The following ANKHD1 variants were observed in gnomAD, a reference collection of about 807,000 sequenced individuals.
ANKHD1 encodes the protein ankyrin repeat and KH domain containing 1, also known as ankyrin repeat and KH domain-containing protein 1.
In ANKHD1, 31 loss-of-function variants were observed where a neutral mutation model predicts 230.5. That is an observed-to-expected ratio of 0.13 (90% CI 0.10 to 0.18). ANKHD1 has a LOEUF of 0.18. ANKHD1 is among the 10% of genes least tolerant of loss of function. The pLI is 1.00. For missense variants in ANKHD1, 2,256 were observed against 3,071.3 expected (o/e 0.73, Z 6.27); for synonymous variants, 1,074 against 1,117.6 (o/e 0.96, Z 0.78).
chr5:140,533,512 T>C (rs1276454655), intron 29 of ANKHD1, among the ~76,000 whole-genome samples: 1 of 152,046 alleles, frequency 6.6e-6, no homozygotes, highest in African/African-American at 2.4e-5. Flanking sequence ...GGCAGGAGAA[T>C]GGCGTGAACC....
At chr5:140,526,477 C>A in intron 26 of ANKHD1, 34 bp downstream of exon 26, 1 of 1,562,662 alleles carries the variant, frequency 6.4e-7, no homozygotes, top group East Asian at 2.2e-5. Context: ...TCTACCTGCA[C>A]CTTTCCTTCT....
intron 6 of ANKHD1, among the ~76,000 whole-genome samples, chr5:140,447,851 A>C (rs1340316918): frequency 6.6e-6 from 1 of 152,206 alleles, no homozygotes. Flanking sequence ...CCCTTTAAAG[A>C]GTCTTCCTAG....
chr5:140,490,359 G>A (rs1206507824), intron 14 of ANKHD1, among the ~76,000 whole-genome samples: 1 of 152,092 alleles, frequency 6.6e-6, no homozygotes, highest in African/African-American at 2.4e-5. Flanking sequence ...TTTGATATAT[G>A]TTCTACTCAG....
At chr5:140,483,551 G>A (rs1414843005) in intron 11 of ANKHD1, among the ~76,000 whole-genome samples, 3 of 145,868 alleles carry the variant, frequency 2.1e-5, no homozygotes, top group African/African-American at 7.7e-5. Flanking sequence ...TCCGCCTCCC[G>A]GGTTCAAGTG....
chr5:140,480,539 AAAGAG>A lies in ANKHD1; in HGVS notation c.1783-2038_1783-2034del, dbSNP rs1477784484. 3.3e-5 allele frequency among the ~76,000 whole-genome samples: 5 copies of A among 152,146 alleles called. No homozygotes were observed. The East Asian group carries it at 9.6e-4, about 29-fold the overall frequency. The stretch of plus-strand genomic sequence containing the variant: ...ATCACTGCCAGGCTTAAGAAATAAG[AAAGAG>A]AAAAGGGTAAAGTAAGGATAAGTGA... On this transcript the variant is annotated intron_variant, in intron 10 of 33. Transcript: ENST00000360839.
At chr5:140,462,293 G>C (rs528171953) in intron 9 of ANKHD1, among the ~76,000 whole-genome samples, 11 of 151,882 alleles carry the variant, frequency 7.2e-5, no homozygotes, top group Non-Finnish European at 1.6e-4. Context: ...GCATTGCTTA[G>C]ATCCATTAAT....
At position 140,506,762 on chromosome 5, in the gene ANKHD1, T is replaced by G; in HGVS notation, c.3409-73T>G. 1.3e-6 allele frequency: 2 copies of G among 1,579,198 alleles called. No individual in the cohort carries two copies. The highest frequency in any genetic ancestry group is 1.7e-6 in the Non-Finnish European group (2 of 1,169,296). Reference sequence around the variant, plus strand: ...AGATAAGGAAGTTATAAGTCCTGTTTCTTTGTGTTTCCTTCATTATAAGTT... The same window carrying G: ...AGATAAGGAAGTTATAAGTCCTGTTGCTTTGTGTTTCCTTCATTATAAGTT... On this transcript the variant is annotated intron_variant, in intron 18 of 33. Coordinates refer to ENST00000360839, the MANE Select transcript of ANKHD1 (RefSeq NM_017747.3). The surrounding 1 kb of genome is among the most constrained non-coding windows in gnomAD (Gnocchi z 4.7).
rs372835487 is a variant in ANKHD1 at position 140,476,118 on chromosome 5, G to A, written c.1783-6462G>A. Reference sequence around the variant, plus strand: ...TAACCTCAATATATAGGGTAAGACAGCATATTAGACACAGTTGAATGCATT... The same window carrying A: ...TAACCTCAATATATAGGGTAAGACAACATATTAGACACAGTTGAATGCATT... On this transcript the variant is annotated intron_variant, in intron 10 of 33. Transcript: ENST00000360839. Among the ~76,000 whole-genome samples the A allele has an allele frequency of 3.9e-5, 6 of 152,006 alleles. No homozygotes were observed. The East Asian group carries it at 1.2e-3, about 29-fold the overall frequency.
chr5:140,529,066 C>G lies in ANKHD1; in HGVS notation c.6120C>G (p.Asn2040Lys). ...KVSTQDQPMA[N>K]LCTPSSTANS... is the part of the protein sequence containing the mutation. ...CCACACAGGACCAGCCCATGGCAAACCTATGTACCCCATCTTCAACTGCAA... is the reference window on the plus strand; with the variant it reads ...CCACACAGGACCAGCCCATGGCAAAGCTATGTACCCCATCTTCAACTGCAA... Residue 2040 changes from asparagine to lysine, a missense_variant, in exon 29 of 34, where the codon AAC becomes AAG. Physicochemically the swap from Asn to Lys is moderately conservative, Grantham distance 94 (BLOSUM62 0). Around this residue, in one of 13 missense-constraint regions of ANKHD1, gnomAD observed 778 missense variants for 966.5 expected, o/e 0.80. Transcript: ENST00000360839. 6.2e-7 allele frequency: 1 copy of G among 1,614,022 alleles called. No individual in the cohort carries two copies. Among genetic ancestry groups the G allele is most frequent in the South Asian group, 1.1e-5 (1 of 91,086 alleles).
In ANKHD1 at chr5:140,528,207, A is replaced by G. The variant is rs1208662001; in HGVS notation, c.5261A>G (p.Tyr1754Cys). Residue 1754 changes from tyrosine to cysteine, a missense_variant, in exon 29 of 34, where the codon TAT (tyrosine) becomes TGT (cysteine). Transcript: ENST00000360839. The stretch of plus-strand genomic sequence containing the variant: ...AGGGGTGGCACAGAATCAACAAGAT[A>G]TGCAGTTCAACTAATCAATGCACTC... The part of the protein sequence containing the change: ...TIRGGTESTR[Y>C]AVQLINALIQ... 2 of 1,607,414 alleles carry G rather than the reference A, an allele frequency of 1.2e-6. No individual in the cohort carries two copies. The highest frequency in any genetic ancestry group is 1.7e-6 in the Non-Finnish European group (2 of 1,178,164).
chr5:140,461,150 G>T (rs1008930354), intron 9 of ANKHD1, among the ~76,000 whole-genome samples: 3 of 152,130 alleles, frequency 2.0e-5, no homozygotes. Context: ...ATTGCCACTG[G>T]TTCCTATGTA....
intron 7 of ANKHD1, among the ~76,000 whole-genome samples, chr5:140,455,425 A>G (rs1581271068): frequency 6.6e-6 from 1 of 152,236 alleles, no homozygotes; most frequent in Non-Finnish European, 1.5e-5. Flanking sequence ...AGAGAATTTT[A>G]GACCAATATC....
chr5:140,490,466 CTG>C (rs1332038715), intron 14 of ANKHD1, among the ~76,000 whole-genome samples: 3 of 152,258 alleles, frequency 2.0e-5, no homozygotes, highest in East Asian at 3.9e-4. Context: ...TCTCACTTGT[CTG>C]TTGGTTTTCA....
At chr5:140,491,160 A>ATATATATATT (rs1282293062) in intron 14 of ANKHD1, among the ~76,000 whole-genome samples, 2 of 45,658 alleles carry the variant, frequency 4.4e-5, no homozygotes, top group Non-Finnish European at 7.2e-5. Context: ...ATATATATAT[A>ATATATATATT]TTTTTTTTTT....
intron 14 of ANKHD1, 37 bp from the exon 15 acceptor site, chr5:140,496,480 TTTA>T: frequency 5.9e-6 from 7 of 1,182,602 alleles, no homozygotes; most frequent in African/African-American, 3.2e-5. Flanking sequence ...TTTTTTTTTT[TTTA>T]GCATGGCACT....
rs779820654 is a variant in ANKHD1 at position 140,438,574 on chromosome 5, C to T, written c.574C>T (p.Arg192Trp). 12 of 1,611,316 alleles carry T rather than the reference C, an allele frequency of 7.4e-6. No homozygotes were observed. The highest frequency in any genetic ancestry group is 4.5e-5 in the East Asian group (2 of 44,824). ...ALDEAAAALT[R>W]MKAENSHNAG... ...GGATGAAGCTGCTGCTGCACTGACA[C>T]GGATGAAAGCAGAAAACAGCCACAA... The change falls in exon 3 of 34, where the codon CGG becomes TGG. Residue 192 changes from arginine to tryptophan, a missense_variant. By Grantham distance (101) the Arg-to-Trp change is moderately radical (BLOSUM62 -3). Coordinates refer to ENST00000360839, the MANE Select transcript of ANKHD1 (RefSeq NM_017747.3).
intron 7 of ANKHD1, among the ~76,000 whole-genome samples, chr5:140,452,168 G>C (rs541079890): frequency 2.6e-5 from 4 of 152,308 alleles, no homozygotes; most frequent in Admixed American, 6.5e-5. Flanking sequence ...CAGCCAGGCT[G>C]GGGGAGGGGC....
chr5:140,472,748 T>A (rs1776576556), intron 10 of ANKHD1, among the ~76,000 whole-genome samples: 3 of 152,128 alleles, frequency 2.0e-5, no homozygotes, highest in Non-Finnish European at 2.9e-5. Context: ...TACTATATAG[T>A]TTATGCCCTA....
At chr5:140,512,958 T>C in intron 23 of ANKHD1, 35 bp downstream of exon 23, 1 of 1,550,468 alleles carries the variant, frequency 6.4e-7, no homozygotes, top group East Asian at 2.3e-5. Context: ...ACATTTTTGT[T>C]CTTTGTGGAA....
Sources: allele counts gnomAD v4.1 joint callset (sites outside exome capture counted in the v4.1 genomes callset), GRCh38; gene constraint gnomAD v4.1.1; regional missense constraint gnomAD v4.1.1; non-coding constraint Gnocchi (gnomAD v3.1); transcripts MANE v1.5; gene names NCBI Gene and HGNC (gene_info 2026-07-23, HGNC 2026-07-21).